EFCC1: variants seen among roughly 807,000 people sequenced by gnomAD.
The protein encoded by EFCC1 is EF-hand and coiled-coil domain-containing protein 1.
EFCC1 carries 50 observed loss-of-function variants against 52.1 expected under a neutral mutation model. The observed-to-expected ratio is 0.96, with a 90% CI of 0.76 to 1.21. The LOEUF is 1.21. Ranked by LOEUF, EFCC1 falls within the 50% of genes most tolerant of loss-of-function variation. EFCC1 has a pLI of 0.00. For missense variants in EFCC1, 837 were observed against 867.3 expected, an observed-to-expected ratio of 0.97 and a Z score of 0.44; for synonymous variants, 399 against 396.5, an observed-to-expected ratio of 1.01 and a Z score of -0.08.
intron 2 of EFCC1, among the ~76,000 whole-genome samples, chr3:129,026,717 G>A (rs560816076): frequency 1.3e-5 from 2 of 152,250 alleles, no homozygotes; most frequent in South Asian, 4.1e-4. Flanking sequence ...CCAGGCTGTA[G>A]TCTGGAGCCT....
intron 2 of EFCC1, among the ~76,000 whole-genome samples, chr3:129,027,709 A>C (rs1196291650): frequency 6.6e-6 from 1 of 152,080 alleles, no homozygotes; most frequent in Non-Finnish European, 1.5e-5. Flanking sequence ...TAATCTCAGC[A>C]CTTTCTGGGG....
intron 2 of EFCC1, among the ~76,000 whole-genome samples, chr3:129,008,303 A>C (rs572103377): frequency 6.6e-6 from 1 of 152,228 alleles, no homozygotes; most frequent in Non-Finnish European, 1.5e-5. Context: ...GTAACTCACT[A>C]TGCAAGGTCT....
intron 5 of EFCC1, among the ~76,000 whole-genome samples, chr3:129,036,633 T>C (rs1299775125): frequency 2.0e-5 from 3 of 152,204 alleles, no homozygotes; most frequent in Non-Finnish European, 2.9e-5. Context: ...CCCTGTCCCA[T>C]TCCTGAGGTT....
intron 2 of EFCC1, among the ~76,000 whole-genome samples, chr3:129,011,567 G>A (rs201050054): frequency 5.4e-5 from 8 of 148,422 alleles, no homozygotes; most frequent in African/African-American, 7.6e-5. Context: ...AAAAAAAAAA[G>A]AATGAAGCAG....
At position 129,035,037 on chromosome 3, in the gene EFCC1, A is replaced by G. The variant is rs995582445; in HGVS notation, c.1452+708A>G. 5.5e-4 allele frequency among the ~76,000 whole-genome samples: 84 copies of G among 151,968 alleles called. 2 individuals are homozygous for G. Among genetic ancestry groups the G allele is most frequent in the Admixed American group, 5.4e-3 (83 of 15,276 alleles). On this transcript the variant is annotated intron_variant, in intron 5 of 7. Coordinates refer to ENST00000683648, the MANE Select transcript of EFCC1 (RefSeq NM_001377500.1). ...TCTCATTCTCTCTACTCCATAGGAAAGTCTCTATTCCACAGTAGCCAAGTG... is the reference window on the plus strand; with the variant it reads ...TCTCATTCTCTCTACTCCATAGGAAGGTCTCTATTCCACAGTAGCCAAGTG...
Position 129,027,935 on chromosome 3 carries a change from CAG to C in EFCC1, c.981-2765_981-2764del, listed in dbSNP as rs763835741. On this transcript the variant is annotated intron_variant, in intron 2 of 7. Transcript: ENST00000683648. ...CGCCACTGCACTCCACCCTGAGTGA[CAG>C]AGCAGGACTCAATCTCAGTAAATAA... 7.5e-4 allele frequency among the ~76,000 whole-genome samples: 114 copies of C among 151,840 alleles called. 1 individual carries two copies. Among genetic ancestry groups the C allele is most frequent in the Non-Finnish European group, 1.3e-3 (85 of 67,996 alleles).
chr3:129,001,653 G>T lies in EFCC1; in HGVS notation c.25G>T (p.Glu9Ter), dbSNP rs2107843477. ...GATGGAGCCGGTCAGCACGGGCGCGGAGGCCGGCATGGAGGGCGCGGGAGG... is the reference window on the plus strand; with the variant it reads ...GATGGAGCCGGTCAGCACGGGCGCGTAGGCCGGCATGGAGGGCGCGGGAGG... MEPVSTGA[E>*]AGMEGAGGDP... The change falls in exon 1 of 8, where the codon GAG becomes TAG. Residue 9 changes from glutamate (E) to a stop codon, truncating the protein, a stop_gained. Coordinates refer to ENST00000683648, the MANE Select transcript of EFCC1 (RefSeq NM_001377500.1). LOFTEE classifies it high-confidence loss of function. 1 of 1,394,714 alleles carries T rather than the reference G, an allele frequency of 7.2e-7. No homozygotes were observed. Among genetic ancestry groups the T allele is most frequent in the Non-Finnish European group, 9.3e-7 (1 of 1,078,322 alleles). The allele number at this position is 1,394,714 out of a possible 1,614,324, so 86.4% of individuals were successfully genotyped here. A position where few individuals can be genotyped will look rare whatever the true frequency, so the allele number is the denominator to read the frequency against.
intron 2 of EFCC1, among the ~76,000 whole-genome samples, chr3:129,016,757 G>A (rs1288466084): frequency 2.0e-5 from 3 of 152,084 alleles, no homozygotes. Context: ...ACTGATTAAG[G>A]AACAAAAGCT....
intron 5 of EFCC1, 141 bp downstream of exon 5, chr3:129,034,470 T>C (rs892374997): frequency 5.2e-6 from 5 of 957,538 alleles, no homozygotes; most frequent in Middle Eastern, 3.4e-4. Flanking sequence ...TTTCCTCTGA[T>C]TTAAATTTAA....
chr3:129,016,109 A>C (rs1440800908), intron 2 of EFCC1, among the ~76,000 whole-genome samples: 1 of 152,182 alleles, frequency 6.6e-6, no homozygotes, highest in Non-Finnish European at 1.5e-5. Context: ...CAGGCGGTGT[A>C]ATGGGCTTTT....
In EFCC1 at chr3:129,001,623, G is replaced by A. The variant is rs961800230; in HGVS notation, c.-6G>A. The A allele has an allele frequency of 1.0e-5, 14 of 1,355,256 alleles. No individual in the cohort carries two copies. The African/African-American group carries it at 1.7e-4, about 16-fold the overall frequency. The allele number at this position is 1,355,256 out of a possible 1,614,324, so 84.0% of individuals were successfully genotyped here. A position where few individuals can be genotyped will look rare whatever the true frequency, so the allele number is the denominator to read the frequency against. On this transcript the variant is annotated 5_prime_UTR_variant, in exon 1 of 8. Coordinates refer to ENST00000683648, the MANE Select transcript of EFCC1 (RefSeq NM_001377500.1). The stretch of plus-strand genomic sequence containing the variant: ...GGACCGGAGGAGCGAGGCGCGCGGC[G>A]CAGCGATGGAGCCGGTCAGCACGGG...
chr3:129,031,619 G>T (rs761670212), intron 3 of EFCC1, among the ~76,000 whole-genome samples: 8 of 152,206 alleles, frequency 5.3e-5, no homozygotes, highest in Non-Finnish European at 1.0e-4. Context: ...TAAGTTAAAA[G>T]AGAATGTATT....
intron 5 of EFCC1, among the ~76,000 whole-genome samples, chr3:129,034,693 T>C (rs951630259): frequency 6.6e-6 from 1 of 152,158 alleles, no homozygotes; most frequent in African/African-American, 2.4e-5. Context: ...TTACTCCATA[T>C]GATGGGGGAA....
At chr3:129,015,929 G>A (rs542000173) in intron 2 of EFCC1, among the ~76,000 whole-genome samples, 2 of 152,360 alleles carry the variant, frequency 1.3e-5, no homozygotes, top group South Asian at 2.1e-4. Context: ...AGTAGGTGCT[G>A]CAGCGTGGCC....
rs1480213586 is a variant in EFCC1 at position 129,002,325 on chromosome 3, G to A, written c.696+1G>A. ...TGATGCGCGCTGCCTAGCACTGCAGGTGCGCGCCGGCCACGAAGGGAGGGT... is the reference window on the plus strand; with the variant it reads ...TGATGCGCGCTGCCTAGCACTGCAGATGCGCGCCGGCCACGAAGGGAGGGT... On this transcript the variant is annotated splice_donor_variant, in intron 1 of 7. Coordinates refer to ENST00000683648, the MANE Select transcript of EFCC1 (RefSeq NM_001377500.1). LOFTEE classifies it high-confidence loss of function. 1.3e-6 allele frequency: 2 copies of A among 1,514,594 alleles called. No homozygotes were observed. The highest frequency in any genetic ancestry group is 1.2e-5 in the South Asian group (1 of 82,236). 93.8% of individuals were successfully genotyped at this position (1,514,594 alleles called of 1,614,324 possible). A position where few individuals can be genotyped will look rare whatever the true frequency, so the allele number is the denominator to read the frequency against.
rs1255044901 is a variant in EFCC1 at position 129,010,103 on chromosome 3, T to C, written c.980+6026T>C. 1.3e-5 allele frequency among the ~76,000 whole-genome samples: 2 copies of C among 152,198 alleles called. No homozygotes were observed. Among genetic ancestry groups the C allele is most frequent in the Non-Finnish European group, 2.9e-5 (2 of 68,034 alleles). ...TGGGAGTGGATGCTGTCCTCAAAAC[T>C]GGAAGAAAGGGCGTAACGCCTGGGA... On this transcript the variant is annotated intron_variant, in intron 2 of 7. Coordinates refer to ENST00000683648, the MANE Select transcript of EFCC1 (RefSeq NM_001377500.1). The surrounding 1 kb of genome is among the most constrained non-coding windows in gnomAD (Gnocchi z 4.3).
At chr3:129,023,310 CT>C (rs3036084) in intron 2 of EFCC1, among the ~76,000 whole-genome samples, 426 of 138,104 alleles carry the variant, frequency 3.1e-3, no homozygotes, top group African/African-American at 5.3e-3. Context: ...CCTCTTGCTT[CT>C]TTTTTTTTTT....
Position 129,002,259 on chromosome 3 carries a change from C to A in EFCC1, c.631C>A (p.Arg211Ser). 1 of 1,531,144 alleles carries A rather than the reference C, an allele frequency of 6.5e-7. No homozygotes were observed. Among genetic ancestry groups the A allele is most frequent in the Non-Finnish European group, 8.7e-7 (1 of 1,144,876 alleles). The allele number at this position is 1,531,144 out of a possible 1,614,324, so 94.8% of individuals were successfully genotyped here. A position where few individuals can be genotyped will look rare whatever the true frequency, so the allele number is the denominator to read the frequency against. ...ARLEEENSSL[R>S]ELVEDLRAAL... The stretch of plus-strand genomic sequence containing the variant: ...GCTGGAGGAGGAGAATAGCAGCTTG[C>A]GCGAGTTGGTGGAGGACCTGCGCGC... The change falls in exon 1 of 8, where the codon CGC becomes AGC. Residue 211 changes from arginine (R) to serine (S), a missense_variant. By Grantham distance (110) the Arg-to-Ser change is moderately radical (BLOSUM62 -1). Transcript: ENST00000683648.
At chr3:129,018,852 G>T (rs1245193245) in intron 2 of EFCC1, among the ~76,000 whole-genome samples, 8 of 152,190 alleles carry the variant, frequency 5.3e-5, no homozygotes, top group Admixed American at 5.2e-4. Context: ...GTCTCACTGT[G>T]CCTCTGACTC....
Sources: gnomAD v4.1 joint callset for allele counts (sites outside exome capture counted in the v4.1 genomes callset) on GRCh38, gnomAD v4.1.1 for gene constraint, Gnocchi (gnomAD v3.1) non-coding constraint, MANE v1.5 for transcripts, NCBI Gene and HGNC (gene_info 2026-07-23, HGNC 2026-07-21) for gene names.